Variants in PINX1 observed in about 807,000 individuals in gnomAD.
PINX1 encodes PIN2 (TERF1) interacting telomerase inhibitor 1.
In PINX1, 34 loss-of-function variants were observed where a neutral mutation model predicts 25.4. The ratio of observed to expected loss-of-function variants is 1.34; its 90% confidence interval spans 1.02 to 1.78. The LOEUF (loss-of-function observed/expected upper bound fraction) is 1.78, where lower values mean the gene tolerates loss of function less well. Ranked by LOEUF, PINX1 falls within the 40% of genes most tolerant of loss-of-function variation. The pLI, the probability that PINX1 is intolerant of heterozygous loss-of-function variation, is 0.00. For missense variants in PINX1, 592 were observed against 404.9 expected (o/e 1.46, Z -3.97); for synonymous variants, 197 against 147.7 (o/e 1.33, Z -2.42).
chr8:10,836,169 G>C (rs2129091379), intron 1 of PINX1, among the ~76,000 whole-genome samples: 1 of 151,970 alleles, frequency 6.6e-6, no homozygotes, highest in Non-Finnish European at 1.5e-5. Context: ...AATCAATAGA[G>C]GCCCATAACT....
At chr8:10,822,730 G>T (rs1007049567) in intron 5 of PINX1, among the ~76,000 whole-genome samples, 1 of 152,118 alleles carries the variant, frequency 6.6e-6, no homozygotes, top group South Asian at 2.1e-4. Context: ...AGATGATTTG[G>T]AAACAGTTTA....
At chr8:10,812,092 G>C (rs1797541839) in intron 6 of PINX1, among the ~76,000 whole-genome samples, 1 of 152,162 alleles carries the variant, frequency 6.6e-6, no homozygotes, top group African/African-American at 2.4e-5. Flanking sequence ...ACTTCACCTT[G>C]ACACTCAACA....
At chr8:10,779,269 G>C (rs1226494823) in intron 6 of PINX1, among the ~76,000 whole-genome samples, 1 of 152,202 alleles carries the variant, frequency 6.6e-6, no homozygotes, top group Non-Finnish European at 1.5e-5. Flanking sequence ...GCCGTGCAAA[G>C]TTCAAACCAC....
At chr8:10,794,375 T>C (rs1344075810) in intron 6 of PINX1, among the ~76,000 whole-genome samples, 1 of 152,184 alleles carries the variant, frequency 6.6e-6, no homozygotes, top group Admixed American at 6.5e-5. Context: ...TCATCATATA[T>C]TGACTTAAAA....
At chr8:10,836,455 G>C (rs1249546937) in intron 1 of PINX1, among the ~76,000 whole-genome samples, 1 of 152,222 alleles carries the variant, frequency 6.6e-6, no homozygotes, top group Non-Finnish European at 1.5e-5. Context: ...ATGTGTCTAT[G>C]CAGTGCTTGC....
At chr8:10,794,776 T>C (rs969494482) in intron 6 of PINX1, among the ~76,000 whole-genome samples, 3 of 152,168 alleles carry the variant, frequency 2.0e-5, no homozygotes, top group African/African-American at 4.8e-5. Flanking sequence ...AATTAGACTT[T>C]TACGGGTTTA....
In PINX1 at chr8:10,833,593, G is replaced by C. The variant is rs111429452; in HGVS notation, c.130-609C>G. On this transcript the variant is annotated intron_variant, in intron 2 of 6. Transcript: ENST00000314787. ...GCTGGAGAAGAGACGACTGGGGTGC[G>C]GGAGGCTGGAGAAGAATGACAACTG... 1.2e-4 allele frequency: 10 copies of C among 86,712 alleles called. 1 individual carries two copies. The highest frequency in any genetic ancestry group is 6.0e-4 in the South Asian group (3 of 5,000). The allele number at this position is 86,712 out of a possible 1,614,324, so 5.4% of individuals were successfully genotyped here.
chr8:10,834,911 T>G (rs1798354258), intron 1 of PINX1, 136 bp from the exon 2 acceptor site: 1 of 620,026 alleles, frequency 1.6e-6, no homozygotes, highest in South Asian at 2.0e-5. Flanking sequence ...AGAAATTAAT[T>G]CAACACTCAA....
rs766685402 is a variant in PINX1, at chr8:10,765,371, A to G, written c.*30T>C. On this transcript the variant is annotated 3_prime_UTR_variant, in exon 7 of 7. Transcript: ENST00000314787. ...TGCCCCCGCAGTGCCCTGACAGCTG[A>G]GTGGTCGGAAGGCCCCGGCTGGGAA... 6.5e-7 allele frequency: 1 copy of G among 1,549,748 alleles called. No individual in the cohort carries two copies. Among genetic ancestry groups the G allele is most frequent in the South Asian group, 1.2e-5 (1 of 80,510 alleles).
intron 2 of PINX1, 149 bp downstream of exon 2, chr8:10,834,517 C>T (rs1798334151): frequency 8.6e-7 from 1 of 1,161,870 alleles, no homozygotes; most frequent in Non-Finnish European, 1.2e-6. Flanking sequence ...AATTTATCAT[C>T]ATAAGGTCAC....
chr8:10,817,800 G>A (rs1423457325), intron 6 of PINX1, among the ~76,000 whole-genome samples: 1 of 152,164 alleles, frequency 6.6e-6, no homozygotes, highest in African/African-American at 2.4e-5. Flanking sequence ...GAGGAGCTCT[G>A]TCCTCAGGGT....
chr8:10,817,929 T>A (rs1261868525), intron 6 of PINX1, among the ~76,000 whole-genome samples: 1 of 91,290 alleles, frequency 1.1e-5, no homozygotes, highest in Non-Finnish European at 2.3e-5. Flanking sequence ...TGGGGAGGAA[T>A]TAAAAAAAAA....
chr8:10,811,736 G>A (rs180693547), intron 6 of PINX1, among the ~76,000 whole-genome samples: 1 of 152,246 alleles, frequency 6.6e-6, no homozygotes, highest in East Asian at 1.9e-4. Context: ...CTGGGCACCG[G>A]GCCTCCTCAT....
At chr8:10,811,563 G>A (rs1212438749) in intron 6 of PINX1, among the ~76,000 whole-genome samples, 1 of 152,178 alleles carries the variant, frequency 6.6e-6, no homozygotes, top group African/African-American at 2.4e-5. Context: ...AGCAATTCGA[G>A]GAAGGGCTGG....
At chr8:10,823,837 AT>A (rs1797951126) in intron 5 of PINX1, among the ~76,000 whole-genome samples, 1 of 152,182 alleles carries the variant, frequency 6.6e-6, no homozygotes, top group Non-Finnish European at 1.5e-5. Context: ...CAAAATAAAA[AT>A]AAAAATAATG....
intron 6 of PINX1, among the ~76,000 whole-genome samples, chr8:10,786,050 A>C (rs1586150324): frequency 6.6e-6 from 1 of 152,336 alleles, no homozygotes; most frequent in East Asian, 1.9e-4. Context: ...CACTTTCCTC[A>C]CTGAGGACAT....
intron 5 of PINX1, among the ~76,000 whole-genome samples, chr8:10,824,091 A>C (rs1797962563): frequency 6.6e-6 from 1 of 152,194 alleles, no homozygotes. Context: ...TGAAAAAGCA[A>C]AAGTTCCATG....
chr8:10,836,665 A>T (rs1798415749), intron 1 of PINX1, among the ~76,000 whole-genome samples: 1 of 126,414 alleles, frequency 7.9e-6, no homozygotes, highest in Non-Finnish European at 1.6e-5. Context: ...GGATCACACC[A>T]GTGTTTCCAA....
At chr8:10,765,951 C>T (rs764160681) in intron 6 of PINX1, 35 bp from the exon 7 acceptor site, 1 of 1,600,434 alleles carries the variant, frequency 6.2e-7, no homozygotes, top group Non-Finnish European at 8.5e-7. Context: ...GGCAGGTAAG[C>T]ATCAACTGTT....
Sources: gnomAD v4.1 joint callset for allele counts (sites outside exome capture counted in the v4.1 genomes callset) on GRCh38, gnomAD v4.1.1 for gene constraint, MANE v1.5 for transcripts, NCBI Gene and HGNC (gene_info 2026-07-23, HGNC 2026-07-21) for gene names.